Variants in RAVER2 observed in about 807,000 individuals in gnomAD.
The protein encoded by RAVER2 is ribonucleoprotein, PTB binding 2.
In RAVER2, 46 loss-of-function variants were observed where a neutral mutation model predicts 78.1. The observed-to-expected ratio is 0.59, with a 90% CI of 0.46 to 0.75. RAVER2 has a LOEUF of 0.75. Ranked by LOEUF, RAVER2 falls within the 30% of genes least tolerant of loss-of-function variation. RAVER2 has a pLI of 0.00. For missense variants in RAVER2, 793 were observed against 837.5 expected (o/e 0.95, Z 0.66); for synonymous variants, 311 against 313.3 (o/e 0.99, Z 0.08).
intron 11 of RAVER2, among the ~76,000 whole-genome samples, chr1:64,825,167 A>G (rs1202425556): frequency 5.3e-5 from 8 of 152,156 alleles, no homozygotes; most frequent in Admixed American, 5.2e-4. Flanking sequence ...AAACATTTTT[A>G]ACAATGGGAG....
At chr1:64,778,291 G>C (rs1202547257) in intron 3 of RAVER2, among the ~76,000 whole-genome samples, 199 bp downstream of exon 3, 2 of 152,154 alleles carry the variant, frequency 1.3e-5, no homozygotes, top group African/African-American at 4.8e-5. Context: ...ATGTTGTTAT[G>C]TAGTTAAGTA....
chr1:64,782,830 CA>C (rs1652668655), intron 4 of RAVER2, among the ~76,000 whole-genome samples: 1 of 152,180 alleles, frequency 6.6e-6, no homozygotes, highest in Non-Finnish European at 1.5e-5. Context: ...TTGCTGCACC[CA>C]TCAACTCGTC....
intron 5 of RAVER2, among the ~76,000 whole-genome samples, chr1:64,795,074 T>C (rs1280901770): frequency 2.0e-5 from 3 of 152,140 alleles, no homozygotes; most frequent in African/African-American, 7.2e-5. Context: ...AGAAAGATAA[T>C]GTTTCATTGA....
chr1:64,806,194 C>T (rs1383082139), intron 8 of RAVER2, among the ~76,000 whole-genome samples: 2 of 151,990 alleles, frequency 1.3e-5, no homozygotes, highest in Admixed American at 6.6e-5. Context: ...CAGAATTTTC[C>T]TATTAAAACT....
At chr1:64,823,595 T>C (rs1315898240) in intron 11 of RAVER2, among the ~76,000 whole-genome samples, 1 of 152,124 alleles carries the variant, frequency 6.6e-6, no homozygotes, top group Non-Finnish European at 1.5e-5. Context: ...AAGAGAAGCT[T>C]TTGAGCCCAT....
intron 4 of RAVER2, among the ~76,000 whole-genome samples, chr1:64,782,714 T>C (rs994388124): frequency 6.6e-6 from 1 of 152,200 alleles, no homozygotes; most frequent in African/African-American, 2.4e-5. Context: ...GTAAGTGGTC[T>C]GGTTGCAGAG....
chr1:64,792,174 A>C (rs566933391), intron 5 of RAVER2, among the ~76,000 whole-genome samples: 223 of 152,240 alleles, frequency 1.5e-3, no homozygotes, highest in Middle Eastern at 3.4e-3. Flanking sequence ...ATCTCTTTGC[A>C]GATTACAGTT....
At chr1:64,747,762 G>C (rs925247515) in intron 1 of RAVER2, among the ~76,000 whole-genome samples, 1 of 152,048 alleles carries the variant, frequency 6.6e-6, no homozygotes, top group African/African-American at 2.4e-5. Flanking sequence ...GATCCCACAC[G>C]CCTCGGCCTC....
chr1:64,794,871 A>G lies in RAVER2; in HGVS notation c.1105+5357A>G, dbSNP rs193038395. The stretch of plus-strand genomic sequence containing the variant: ...TTATAATTTGTACTTCCTGTGTCAT[A>G]TTTGAGAAATCTTTGCCAAATTCAG... On this transcript the variant is annotated intron_variant, in intron 5 of 11. Coordinates refer to ENST00000294428, the Ensembl canonical transcript of RAVER2. 3.9e-5 allele frequency among the ~76,000 whole-genome samples: 6 copies of G among 152,216 alleles called. No homozygotes were observed. In the East Asian group the frequency reaches 1.2e-3, roughly 29 times the overall value.
intron 1 of RAVER2, among the ~76,000 whole-genome samples, chr1:64,757,971 G>A (rs796946283): frequency 2.8e-4 from 43 of 151,798 alleles, no homozygotes; most frequent in African/African-American, 8.5e-4. Flanking sequence ...TCCCATCACC[G>A]CTGCAGATGC....
intron 1 of RAVER2, among the ~76,000 whole-genome samples, chr1:64,767,203 A>T (rs1652196912): frequency 6.6e-6 from 1 of 151,928 alleles, no homozygotes; most frequent in Non-Finnish European, 1.5e-5. Flanking sequence ...ATATTTTTCA[A>T]CTTCTGTCTT....
At chr1:64,761,379 A>G (rs962938899) in intron 1 of RAVER2, among the ~76,000 whole-genome samples, 2 of 152,228 alleles carry the variant, frequency 1.3e-5, no homozygotes, top group Non-Finnish European at 2.9e-5. Flanking sequence ...CAGTTTCAAA[A>G]GAGGGAGAAG....
At chr1:64,781,660 T>C in intron 4 of RAVER2, 89 bp downstream of exon 4, 1 of 1,241,750 alleles carries the variant, frequency 8.1e-7, no homozygotes, top group Non-Finnish European at 1.1e-6. Context: ...AAGTAATTGA[T>C]TGTCGATTGC....
At chr1:64,807,625 C>T in intron 9 of RAVER2, 151 bp downstream of exon 9, 1 of 932,034 alleles carries the variant, frequency 1.1e-6, no homozygotes, top group Non-Finnish European at 1.5e-6. Flanking sequence ...ACATTGCATT[C>T]TTTTAAAAAA....
chr1:64,770,689 C>T (rs61356865), intron 2 of RAVER2, among the ~76,000 whole-genome samples: 3,402 of 151,826 alleles, frequency 0.022, 146 homozygotes, highest in African/African-American at 0.078. Flanking sequence ...AATAGTGTTC[C>T]ATATATATAG....
intron 2 of RAVER2, among the ~76,000 whole-genome samples, chr1:64,770,680 A>G (rs537829494): frequency 7.9e-5 from 12 of 152,088 alleles, no homozygotes; most frequent in Non-Finnish European, 4.4e-5. Flanking sequence ...AGTTTTTATA[A>G]TAGTGTTCCA....
At chr1:64,794,066 A>G (rs1371052209) in intron 5 of RAVER2, among the ~76,000 whole-genome samples, 4 of 152,008 alleles carry the variant, frequency 2.6e-5, no homozygotes, top group African/African-American at 9.7e-5. Context: ...ATAATTAACT[A>G]TCTGTGGAAT....
intron 1 of RAVER2, among the ~76,000 whole-genome samples, chr1:64,762,930 A>G (rs766397527): frequency 6.6e-6 from 1 of 152,212 alleles, no homozygotes; most frequent in Non-Finnish European, 1.5e-5. Context: ...GACATTACTA[A>G]TAAATCAGTA....
At chr1:64,792,309 A>T (rs1279231577) in intron 5 of RAVER2, among the ~76,000 whole-genome samples, 1 of 152,232 alleles carries the variant, frequency 6.6e-6, no homozygotes, top group Non-Finnish European at 1.5e-5. Context: ...AGACACAAAC[A>T]TATTCTGTAT....
Sources: allele counts gnomAD v4.1 joint callset (sites outside exome capture counted in the v4.1 genomes callset), GRCh38; gene constraint gnomAD v4.1.1; transcripts MANE v1.5; gene names NCBI Gene and HGNC (gene_info 2026-07-23, HGNC 2026-07-21).